The following ST6GALNAC3 variants were observed in gnomAD, a reference collection of about 807,000 sequenced individuals.
ST6GALNAC3 encodes the protein ST6 N-acetylgalactosaminide alpha-2,6-sialyltransferase 3, also known as alpha-N-acetylgalactosaminide alpha-2,6-sialyltransferase 3.
A neutral mutation model predicts 32.7 loss-of-function variants in ST6GALNAC3; 25 were observed. That is an observed-to-expected ratio of 0.76 (90% CI 0.56 to 1.07). The LOEUF (loss-of-function observed/expected upper bound fraction) is 1.07. Ranked by LOEUF, ST6GALNAC3 falls within the 50% of genes least tolerant of loss-of-function variation. ST6GALNAC3 has a pLI of 0.00. For synonymous variants in ST6GALNAC3, 129 were observed against 133.1 expected (o/e 0.97, Z 0.21); for missense variants, 355 against 382.4 (o/e 0.93, Z 0.60).
chr1:76,489,768 G>A (rs1660372725), intron 3 of ST6GALNAC3, among the ~76,000 whole-genome samples: 1 of 152,140 alleles, frequency 6.6e-6, no homozygotes, highest in African/African-American at 2.4e-5. Flanking sequence ...GCTCAGGGCT[G>A]GACAAGAGGT....
At chr1:76,188,629 C>G (rs1175204659) in intron 1 of ST6GALNAC3, among the ~76,000 whole-genome samples, 1 of 152,156 alleles carries the variant, frequency 6.6e-6, no homozygotes, top group African/African-American at 2.4e-5. Context: ...ACTTTTGACT[C>G]TCCCCCAAAA....
At chr1:76,116,189 G>A (rs1486020436) in intron 1 of ST6GALNAC3, among the ~76,000 whole-genome samples, 2 of 152,074 alleles carry the variant, frequency 1.3e-5, no homozygotes, top group Non-Finnish European at 2.9e-5. Context: ...GTAAAAAGGT[G>A]CATCTGTCAT....
intron 2 of ST6GALNAC3, among the ~76,000 whole-genome samples, chr1:76,398,962 A>G (rs992405365): frequency 3.9e-5 from 6 of 151,910 alleles, no homozygotes; most frequent in Non-Finnish European, 5.9e-5. Flanking sequence ...TAAAATTGGC[A>G]TTTTCTGGAT....
intron 1 of ST6GALNAC3, among the ~76,000 whole-genome samples, chr1:76,244,480 C>T (rs1373740136): frequency 2.6e-5 from 4 of 152,144 alleles, no homozygotes; most frequent in African/African-American, 9.7e-5. Context: ...ACTTCCAATA[C>T]TATATTGAAT....
intron 3 of ST6GALNAC3, among the ~76,000 whole-genome samples, chr1:76,521,727 A>G (rs910570110): frequency 6.6e-6 from 1 of 152,064 alleles, no homozygotes; most frequent in Non-Finnish European, 1.5e-5. Flanking sequence ...TTTGAGATAT[A>G]TTTTCATTGA....
intron 1 of ST6GALNAC3, among the ~76,000 whole-genome samples, chr1:76,106,674 C>T (rs1211001878): frequency 3.3e-5 from 5 of 152,132 alleles, no homozygotes; most frequent in South Asian, 4.1e-4. Context: ...ATTAAGCACA[C>T]GGAAAAATCC....
At chr1:76,077,690 A>G (rs1646835789) in intron 1 of ST6GALNAC3, among the ~76,000 whole-genome samples, 1 of 152,226 alleles carries the variant, frequency 6.6e-6, no homozygotes, top group Non-Finnish European at 1.5e-5. Flanking sequence ...ATCTTTGATC[A>G]TAAGAATGTT....
At position 76,199,893 on chromosome 1, in the gene ST6GALNAC3, T is replaced by C. The variant is rs1342433263; in HGVS notation, c.19-113912T>C. On this transcript the variant is annotated intron_variant, in intron 1 of 4. Transcript: ENST00000328299. ...TGGCAACCTTCATTTTTCTAATTTA[T>C]GTGTCCTGTTTGTCCTGAAGGAGTT... Among the ~76,000 whole-genome samples the C allele has an allele frequency of 2.0e-5, 3 of 152,234 alleles. No homozygotes were observed. In the East Asian group the frequency reaches 5.8e-4, roughly 29 times the overall value.
chr1:76,544,986 T>G (rs1664203936), intron 3 of ST6GALNAC3, among the ~76,000 whole-genome samples: 1 of 152,196 alleles, frequency 6.6e-6, no homozygotes, highest in Non-Finnish European at 1.5e-5. Context: ...CTCTCTCCAT[T>G]GTCCTTATCT....
intron 1 of ST6GALNAC3, among the ~76,000 whole-genome samples, chr1:76,184,052 C>T (rs557205334): frequency 3.3e-4 from 50 of 151,918 alleles, no homozygotes; most frequent in Non-Finnish European, 5.6e-4. Context: ...AGCCCATTCA[C>T]GTAACCCATT....
intron 2 of ST6GALNAC3, among the ~76,000 whole-genome samples, chr1:76,336,006 G>A (rs1487772863): frequency 6.6e-6 from 1 of 152,180 alleles, no homozygotes; most frequent in Non-Finnish European, 1.5e-5. Flanking sequence ...ATTTTAATAA[G>A]GACTCCTATT....
chr1:76,224,702 G>T (rs1015757596), intron 1 of ST6GALNAC3, among the ~76,000 whole-genome samples: 1 of 152,198 alleles, frequency 6.6e-6, no homozygotes, highest in Non-Finnish European at 1.5e-5. Context: ...TCTCCAAAGA[G>T]ACAAGGGGCC....
At chr1:76,102,785 T>C (rs1305107500) in intron 1 of ST6GALNAC3, among the ~76,000 whole-genome samples, 1 of 152,044 alleles carries the variant, frequency 6.6e-6, no homozygotes, top group Non-Finnish European at 1.5e-5. Flanking sequence ...ATATATTTAT[T>C]CTTTTCTTTG....
intron 3 of ST6GALNAC3, among the ~76,000 whole-genome samples, chr1:76,603,986 G>C (rs1647367039): frequency 6.6e-6 from 1 of 152,108 alleles, no homozygotes; most frequent in Non-Finnish European, 1.5e-5. Flanking sequence ...TTTGGTGTTG[G>C]TCTAAAACAT....
intron 2 of ST6GALNAC3, among the ~76,000 whole-genome samples, chr1:76,358,463 T>C (rs1649669156): frequency 6.6e-6 from 1 of 152,144 alleles, no homozygotes; most frequent in African/African-American, 2.4e-5. Flanking sequence ...CCTTACTCCT[T>C]ATAAAAAATC....
chr1:76,077,525 T>C (rs1355131878), intron 1 of ST6GALNAC3, among the ~76,000 whole-genome samples: 1 of 152,152 alleles, frequency 6.6e-6, no homozygotes, highest in Non-Finnish European at 1.5e-5. Flanking sequence ...AGCATTTTAA[T>C]AGAGAAGGAT....
At chr1:76,147,916 T>C (rs2100314937) in intron 1 of ST6GALNAC3, among the ~76,000 whole-genome samples, 1 of 152,324 alleles carries the variant, frequency 6.6e-6, no homozygotes, top group East Asian at 1.9e-4. Flanking sequence ...GCCTTCTGTA[T>C]TCGTGACCCT....
At chr1:76,613,637 G>C (rs777237009) in intron 3 of ST6GALNAC3, among the ~76,000 whole-genome samples, 4 of 152,214 alleles carry the variant, frequency 2.6e-5, no homozygotes, top group Non-Finnish European at 5.9e-5. Context: ...CCCCCTTGCT[G>C]TTCTCCGGAC....
chr1:76,412,161 A>G lies in ST6GALNAC3; in HGVS notation c.367A>G (p.Thr123Ala). The G allele has an allele frequency of 1.9e-6, 3 of 1,613,758 alleles. No homozygotes were observed. In the East Asian group the frequency reaches 6.7e-5, roughly 36 times the overall value. The change falls in exon 3 of 5, where the codon ACC becomes GCC. Residue 123 changes from threonine to alanine, a missense_variant. Coordinates refer to ENST00000328299, the MANE Select transcript of ST6GALNAC3 (RefSeq NM_152996.4). ...TTATGAAGAAGATGTCGGCCGCATG[A>G]CCATGATTCGAGTTGTGTCCCATAC... ...KGYEEDVGRM[T>A]MIRVVSHTSV... is the part of the protein sequence containing the mutation.
Sources: allele counts gnomAD v4.1 joint callset (sites outside exome capture counted in the v4.1 genomes callset), GRCh38; gene constraint gnomAD v4.1.1; transcripts MANE v1.5; gene names NCBI Gene and HGNC (gene_info 2026-07-23, HGNC 2026-07-21).